The following SPOP variants were observed in gnomAD, a reference collection of about 807,000 sequenced individuals.
The protein encoded by SPOP is speckle-type POZ protein.
SPOP carries 11 observed loss-of-function variants against 45.6 expected under a neutral mutation model. The ratio of observed to expected loss-of-function variants is 0.24; its 90% CI spans 0.15 to 0.40. SPOP has a LOEUF of 0.40. Ranked by LOEUF, SPOP falls within the 10% of genes least tolerant of loss-of-function variation. The probability of loss-of-function intolerance (pLI) is 1.00; values close to 1 mark genes in which losing one functional copy is unlikely to be tolerated. For synonymous variants in SPOP, 166 were observed against 166.3 expected (o/e 1.00, Z 0.01); for missense variants, 152 against 465.6 (o/e 0.33, Z 6.20).
chr17:49,620,378 G>T (rs2072196564), intron 3 of SPOP, among the ~76,000 whole-genome samples: 1 of 148,386 alleles, frequency 6.7e-6, no homozygotes, highest in South Asian at 2.1e-4. Context: ...TGAGGCAGGA[G>T]AATCACTTTA....
At chr17:49,654,044 T>C (rs1280271161) in intron 1 of SPOP, among the ~76,000 whole-genome samples, 1 of 152,184 alleles carries the variant, frequency 6.6e-6, no homozygotes, top group Non-Finnish European at 1.5e-5. Flanking sequence ...AATTTAAATG[T>C]ACAACTAAAT....
At chr17:49,608,394 G>C (rs930986470) in intron 6 of SPOP, among the ~76,000 whole-genome samples, 1 of 152,130 alleles carries the variant, frequency 6.6e-6, no homozygotes, top group Non-Finnish European at 1.5e-5. Context: ...CAGATGAAGC[G>C]CATGCTCACC....
intron 1 of SPOP, among the ~76,000 whole-genome samples, chr17:49,655,001 A>G (rs1261747017): frequency 6.6e-6 from 1 of 152,116 alleles, no homozygotes; most frequent in Non-Finnish European, 1.5e-5. Flanking sequence ...CCAGTCAGTC[A>G]CCTTATGGTG....
intron 5 of SPOP, chr17:49,618,532 A>G: frequency 2.2e-6 from 1 of 456,266 alleles, no homozygotes; most frequent in South Asian, 1.6e-5. Context: ...CTCCAGCAAG[A>G]CAAACCATAG....
chr17:49,671,358 A>T (rs1158649507), intron 1 of SPOP, among the ~76,000 whole-genome samples: 1 of 151,648 alleles, frequency 6.6e-6, no homozygotes, highest in African/African-American at 2.4e-5. Flanking sequence ...CTTTTGCACC[A>T]ACCTCATAAT....
intron 1 of SPOP, among the ~76,000 whole-genome samples, chr17:49,624,896 GATAT>G (rs1241147584): frequency 6.7e-6 from 1 of 150,030 alleles, no homozygotes; most frequent in Non-Finnish European, 1.5e-5. Context: ...ATAAAAAATT[GATAT>G]ATAAATTATT....
intron 2 of SPOP, 43 bp downstream of exon 2, chr17:49,622,690 C>A (rs373148509): frequency 1.3e-6 from 2 of 1,567,250 alleles, no homozygotes; most frequent in East Asian, 2.2e-5. Flanking sequence ...TCCACCAAAT[C>A]CTCCCCAGAT....
chr17:49,653,655 A>G (rs2072871535), intron 1 of SPOP, among the ~76,000 whole-genome samples: 1 of 151,800 alleles, frequency 6.6e-6, no homozygotes, highest in South Asian at 2.1e-4. Context: ...TGTGACTCCC[A>G]CTTGAGCATC....
chr17:49,650,888 T>C (rs1179857171), intron 1 of SPOP, among the ~76,000 whole-genome samples: 1 of 152,194 alleles, frequency 6.6e-6, no homozygotes, highest in East Asian at 1.9e-4. Flanking sequence ...AGGAATAAAA[T>C]AGCTCTGGAG....
chr17:49,623,297 C>T (rs1411348970), intron 1 of SPOP, among the ~76,000 whole-genome samples: 2 of 152,088 alleles, frequency 1.3e-5, no homozygotes, highest in Admixed American at 6.6e-5. Context: ...CGTGAGCCAC[C>T]GCACCCAGCC....
At chr17:49,606,321 AT>A (rs2071844247) in intron 8 of SPOP, among the ~76,000 whole-genome samples, 1 of 150,370 alleles carries the variant, frequency 6.7e-6, no homozygotes, top group South Asian at 2.1e-4. Context: ...ACTTGGCTAA[AT>A]TTTTTTATTT....
intron 1 of SPOP, among the ~76,000 whole-genome samples, chr17:49,665,449 C>A (rs183914414): frequency 6.6e-6 from 1 of 151,544 alleles, no homozygotes; most frequent in Admixed American, 6.6e-5. Flanking sequence ...CCCGTCTCTA[C>A]TAAAAATACA....
At chr17:49,667,672 C>A (rs1371192591) in intron 1 of SPOP, among the ~76,000 whole-genome samples, 1 of 152,120 alleles carries the variant, frequency 6.6e-6, no homozygotes, top group African/African-American at 2.4e-5. Flanking sequence ...ATGGTTCAGC[C>A]ACTATGGAAA....
chr17:49,678,141 C>T (rs1038399438), upstream of SPOP: 4 of 395,190 alleles, frequency 1.0e-5, no homozygotes, highest in African/African-American at 6.2e-5. Context: ...CCGCCAGACC[C>T]CACCCCGCGC....
At chr17:49,677,777 G>T (rs1446630603) in intron 1 of SPOP, among the ~76,000 whole-genome samples, 156 bp downstream of exon 1, 2 of 147,542 alleles carry the variant, frequency 1.4e-5, no homozygotes, top group African/African-American at 4.9e-5. Flanking sequence ...GCATTCGCAG[G>T]CCACGTAATC....
rs189734869 is a variant in SPOP at position 49,626,995 on chromosome 17, A to G, written c.-66-4119T>C. 1.6e-4 allele frequency among the ~76,000 whole-genome samples: 25 copies of G among 151,998 alleles called. No homozygotes were observed. In the South Asian group the frequency reaches 1.9e-3, roughly 11 times the overall value. On this transcript the variant is annotated intron_variant, in intron 1 of 9. Transcript: ENST00000504102. ...CTCCTGAGTTGCTGGGACTACAGGC[A>G]CCCGCCACCATGCCCAGCTAATTTT... is the stretch of plus-strand genomic sequence containing the variant.
At chr17:49,669,279 C>T (rs1251845032) in intron 1 of SPOP, among the ~76,000 whole-genome samples, 1 of 148,338 alleles carries the variant, frequency 6.7e-6, no homozygotes, top group East Asian at 2.1e-4. Flanking sequence ...GTTGGCCAGG[C>T]TGGTCTTGAA....
chr17:49,618,974 G>A lies in SPOP; in HGVS notation c.480+7C>T, dbSNP rs1171978881. On this transcript the variant is annotated splice_region_variant and intron_variant, in intron 5 of 9. Transcript: ENST00000504102. ...ACTGCTAGTCTCAGCAGAATACAAG[G>A]ACTCACCTCGCAGAAGAGGGTAAGC... 3.1e-6 allele frequency: 5 copies of A among 1,611,792 alleles called. No homozygotes were observed. Among genetic ancestry groups the A allele is most frequent in the Non-Finnish European group, 4.2e-6 (5 of 1,179,174 alleles).
At chr17:49,624,331 G>GCCCACA (rs71352523) in intron 1 of SPOP, among the ~76,000 whole-genome samples, 1 of 149,224 alleles carries the variant, frequency 6.7e-6, no homozygotes, top group Admixed American at 6.7e-5. Flanking sequence ...GCGCGCGCGC[G>GCCCACA]CACACACACA....
Sources: allele counts gnomAD v4.1 joint callset (sites outside exome capture counted in the v4.1 genomes callset), GRCh38; gene constraint gnomAD v4.1.1; transcripts MANE v1.5; gene names NCBI Gene and HGNC (gene_info 2026-07-23, HGNC 2026-07-21).